The following OLR1 variants were observed in gnomAD, a reference collection of about 807,000 sequenced individuals.
OLR1 encodes the protein oxidized low-density lipoprotein receptor 1.
A neutral mutation model predicts 31.7 loss-of-function variants in OLR1; 23 were observed. That is an observed-to-expected ratio of 0.72 (90% CI 0.52 to 1.03). The LOEUF (loss-of-function observed/expected upper bound fraction) is 1.03, where lower values mean the gene tolerates loss of function less well. Ranked by LOEUF, OLR1 falls within the 50% of genes least tolerant of loss-of-function variation. The pLI is 0.00. For synonymous variants in OLR1, 117 were observed against 115.8 expected (o/e 1.01, Z -0.07); for missense variants, 286 against 315.7 (o/e 0.91, Z 0.71).
intron 1 of OLR1, chr12:10,170,370 G>A (rs943333817): frequency 6.6e-6 from 1 of 152,108 alleles, no homozygotes; most frequent in African/African-American, 2.4e-5. Context: ...GAAGATAGCT[G>A]TGTCTCTTGC....
Position 10,169,141 on chromosome 12 carries a change from C to T in OLR1, c.111G>A (p.Leu37=), listed in dbSNP as rs1948687724. The change falls in exon 2 of 6, where the codon CTG becomes CTA. Residue 37 remains leucine (L), a synonymous_variant. Coordinates refer to ENST00000309539, the MANE Select transcript of OLR1 (RefSeq NM_002543.4). The part of the protein sequence containing the change: ...LQFLYSPWWC[L]AAATLGVLCL... ...AAAGGACCCCTAGAGTCGCAGCAGC[C>T]AGGCACCACCATGGAGAGTAAAGAA... 4 of 1,613,860 alleles carry T rather than the reference C, an allele frequency of 2.5e-6. No individual in the cohort carries two copies. In the African/African-American group the frequency reaches 4.0e-5, roughly 16 times the overall value.
chr12:10,159,834 G>C lies in OLR1; in HGVS notation c.*46C>G. 6.4e-7 allele frequency: 1 copy of C among 1,551,876 alleles called. No homozygotes were observed. Among genetic ancestry groups the C allele is most frequent in the Non-Finnish European group, 8.7e-7 (1 of 1,147,096 alleles). ...GTGACAAAGAATAGCTTAAATTCCA[G>C]AATAAAACTCAAAGACTTTTTTCTT... is the stretch of plus-strand genomic sequence containing the variant. On this transcript the variant is annotated 3_prime_UTR_variant, in exon 6 of 6. Transcript: ENST00000309539.
rs112810316 is a variant in OLR1 at position 10,162,540 on chromosome 12, G to A, written c.425-1615C>T. ...ATTATGTAAATATAAATATATGTAC[G>A]TTTTTGGCTGGGGGTGGTGGCTCAT... On this transcript the variant is annotated intron_variant, in intron 3 of 5. Transcript: ENST00000309539. 1.4e-3 allele frequency among the ~76,000 whole-genome samples: 212 copies of A among 152,224 alleles called. 1 individual carries two copies. The highest frequency in any genetic ancestry group is 4.7e-3 in the African/African-American group (197 of 41,528).
intron 3 of OLR1, among the ~76,000 whole-genome samples, chr12:10,163,054 T>C (rs1948633176): frequency 6.6e-6 from 1 of 152,284 alleles, no homozygotes; most frequent in Middle Eastern, 3.4e-3. Flanking sequence ...ACTATGTTTA[T>C]TTTTTATATA....
In OLR1 at chr12:10,160,080, GT is replaced by G. The variant is rs1948607641; in HGVS notation, c.681-60del. On this transcript the variant is annotated intron_variant, in intron 5 of 5. Transcript: ENST00000309539. ...AAAAACTTAGGTTTACTGCCACCTT[GT>G]TTCAGAAACTTAGCTTTTGAAACTT... The G allele has an allele frequency of 7.8e-6, 12 of 1,542,108 alleles. No individual in the cohort carries two copies. The South Asian group carries it at 1.3e-4, about 17-fold the overall frequency.
chr12:10,169,492 C>T (rs1948691524), intron 1 of OLR1, among the ~76,000 whole-genome samples: 1 of 152,184 alleles, frequency 6.6e-6, no homozygotes, highest in Admixed American at 6.5e-5. Flanking sequence ...TATACTTTAT[C>T]TACTTTCCCG....
At chr12:10,164,627 T>C (rs912762832) in intron 3 of OLR1, among the ~76,000 whole-genome samples, 3 of 152,164 alleles carry the variant, frequency 2.0e-5, no homozygotes, top group Non-Finnish European at 4.4e-5. Context: ...ATCCTGACAA[T>C]AGGGCACTAA....
intron 3 of OLR1, among the ~76,000 whole-genome samples, chr12:10,161,486 T>C (rs1043370550): frequency 2.6e-5 from 4 of 152,256 alleles, no homozygotes; most frequent in South Asian, 4.1e-4. Flanking sequence ...TTAAATACTA[T>C]GTGTCTTGCT....
chr12:10,162,165 A>G (rs1948626220), intron 3 of OLR1, among the ~76,000 whole-genome samples: 1 of 152,124 alleles, frequency 6.6e-6, no homozygotes, highest in Non-Finnish European at 1.5e-5. Context: ...CCCTCAAATC[A>G]TCACTATCAT....
chr12:10,176,050 T>G (rs1948763342), upstream of OLR1, among the ~76,000 whole-genome samples: 1 of 152,226 alleles, frequency 6.6e-6, no homozygotes, highest in Non-Finnish European at 1.5e-5. Context: ...AAGCTAATGA[T>G]TCACAAGCTT....
In OLR1 at chr12:10,166,873, C is replaced by A. The variant is rs371146790; in HGVS notation, c.263G>T (p.Arg88Leu). 4 of 1,613,446 alleles carry A rather than the reference C, an allele frequency of 2.5e-6. No homozygotes were observed. Among genetic ancestry groups the A allele is most frequent in the Admixed American group, 1.7e-5 (1 of 59,922 alleles). The stretch of plus-strand genomic sequence containing the variant: ...CTGTGAAGCTTCTTCTGCTTGTTGC[C>A]GGGCTGAGATCTGTCCCTCCAGTTT... ...KKKLEGQISA[R>L]QQAEEASQES... The change falls in exon 3 of 6, where the codon CGG becomes CTG. Residue 88 changes from arginine (R) to leucine (L), a missense_variant. By Grantham distance (102) the Arg-to-Leu change is moderately radical (BLOSUM62 -2). Transcript: ENST00000309539.
chr12:10,169,717 G>T (rs950348327), intron 1 of OLR1, among the ~76,000 whole-genome samples: 4 of 152,094 alleles, frequency 2.6e-5, no homozygotes, highest in Non-Finnish European at 5.9e-5. Flanking sequence ...TCAATTATGA[G>T]TCCACCAAAA....
upstream of OLR1, among the ~76,000 whole-genome samples, chr12:10,175,000 T>G (rs1241201146): frequency 6.6e-6 from 1 of 152,214 alleles, no homozygotes; most frequent in East Asian, 1.9e-4. Context: ...ACGTTTGGGT[T>G]TATCCTGTTT....
chr12:10,169,225 A>C, intron 1 of OLR1, 50 bp from the exon 2 acceptor site: 2 of 1,334,816 alleles, frequency 1.5e-6, no homozygotes, highest in Non-Finnish European at 2.1e-6. Context: ...GTGAACAAGT[A>C]AGCAAACCAT....
Position 10,160,822 on chromosome 12 carries a change from A to G in OLR1, c.528T>C (p.Asp176=), listed in dbSNP as rs754260673. The change falls in exon 4 of 6, where the codon GAT becomes GAC. Residue 176 remains aspartate, a synonymous_variant. Transcript: ENST00000309539. ...TGCTATTAATTTTCAGCAACTTGGC[A>G]TCCAAAGACAAGCACTTCTCTTGGC... ...EKSQEKCLSL[D]AKLLKINSTA... is the part of the protein sequence containing the mutation. 8 of 1,614,080 alleles carry G rather than the reference A, an allele frequency of 5.0e-6. No homozygotes were observed. Among genetic ancestry groups the G allele is most frequent in the Non-Finnish European group, 6.8e-6 (8 of 1,180,026 alleles).
At chr12:10,162,991 AGAGT>A (rs1208982943) in intron 3 of OLR1, among the ~76,000 whole-genome samples, 2 of 151,820 alleles carry the variant, frequency 1.3e-5, no homozygotes, top group South Asian at 2.1e-4. Flanking sequence ...AAAAATAAAC[AGAGT>A]AAGTGATATT....
upstream of OLR1, among the ~76,000 whole-genome samples, chr12:10,174,048 T>TTTTGTTTGTTTG (rs35635554): frequency 6.6e-6 from 1 of 150,402 alleles, no homozygotes; most frequent in East Asian, 2.0e-4. Flanking sequence ...ATTTCATGTG[T>TTTTGTTTGTTTG]TTTGTTTGTT....
At chr12:10,174,263 A>G (rs1328692070), upstream of OLR1, among the ~76,000 whole-genome samples, 5 of 151,998 alleles carry the variant, frequency 3.3e-5, no homozygotes, top group Non-Finnish European at 2.9e-5. Flanking sequence ...GGGTTTCACC[A>G]TGTTGGCCAG....
At chr12:10,163,316 G>A (rs35311664) in intron 3 of OLR1, among the ~76,000 whole-genome samples, 6,008 of 152,068 alleles carry the variant, frequency 0.04, 128 homozygotes, top group African/African-American at 0.052. Context: ...TGCTGCTCTC[G>A]AGACATTTTG....
Sources: gnomAD v4.1 joint callset for allele counts (sites outside exome capture counted in the v4.1 genomes callset) on GRCh38, gnomAD v4.1.1 for gene constraint, MANE v1.5 for transcripts, NCBI Gene and HGNC (gene_info 2026-07-23, HGNC 2026-07-21) for gene names.